Variants in ERCC4 observed in about 807,000 individuals in gnomAD.
The protein encoded by ERCC4 is ERCC excision repair 4, endonuclease catalytic subunit, also known as DNA repair endonuclease XPF.
Under a neutral mutation model 76.9 loss-of-function variants are expected in ERCC4, and 65 were observed. The ratio of observed to expected loss-of-function variants is 0.84; its 90% CI spans 0.69 to 1.04. The LOEUF is 1.04. Ranked by LOEUF, ERCC4 falls within the 50% of genes least tolerant of loss-of-function variation. The probability of loss-of-function intolerance (pLI) is 0.00; values close to 1 mark genes in which losing one functional copy is unlikely to be tolerated. For missense variants in ERCC4, 1,214 were observed against 1,128.2 expected (o/e 1.08, Z -1.09); for synonymous variants, 463 against 410.1 (o/e 1.13, Z -1.56).
At position 13,926,686 on chromosome 16, in the gene ERCC4, G is replaced by C. The variant is rs1405781900; in HGVS notation, c.514G>C (p.Asp172His). 1 of 1,614,080 alleles carries C rather than the reference G, an allele frequency of 6.2e-7. No homozygotes were observed. The highest frequency in any genetic ancestry group is 2.2e-5 in the East Asian group (1 of 44,868). ...TTTCACAGACAATGCTGTTGCCTTTGATACTGGTTTTTGTCATGTGGAAAG... is the reference window on the plus strand; with the variant it reads ...TTTCACAGACAATGCTGTTGCCTTTCATACTGGTTTTTGTCATGTGGAAAG... The part of the protein sequence containing the change: ...KAFTDNAVAF[D>H]TGFCHVERVM... Residue 172 changes from aspartate (D) to histidine (H), a missense_variant, in exon 3 of 11, where the codon GAT (aspartate) becomes CAT (histidine). Physicochemically the swap from Asp to His is moderately conservative, Grantham distance 81 (BLOSUM62 -1). Transcript: ENST00000311895.
In ERCC4 at chr16:13,952,090, G is replaced by C. The variant is rs949215623; in HGVS notation, c.*3743G>C. On this transcript the variant is annotated 3_prime_UTR_variant, in exon 11 of 11. Transcript: ENST00000311895. ...TATGCTGTTGTTTTTTTAATTTAAAGATGTATAAGCCAAAATTTGGATGGG... is the reference window on the plus strand; with the variant it reads ...TATGCTGTTGTTTTTTTAATTTAAACATGTATAAGCCAAAATTTGGATGGG... 1.0e-5 allele frequency: 2 copies of C among 194,112 alleles called. No individual in the cohort carries two copies. Among genetic ancestry groups the C allele is most frequent in the Admixed American group, 1.2e-4 (2 of 16,364 alleles). 12.0% of individuals were successfully genotyped at this position (194,112 alleles called of 1,614,324 possible).
intron 5 of ERCC4, chr16:13,931,951 T>C (rs749399013): frequency 1.5e-4 from 89 of 581,790 alleles, no homozygotes; most frequent in Middle Eastern, 1.3e-3. Flanking sequence ...CCTGAAAATA[T>C]CTTGGGGGCC....
In ERCC4 at chr16:13,951,768, G is replaced by C. The variant is rs1473636474; in HGVS notation, c.*3421G>C. 9.0e-6 allele frequency: 2 copies of C among 222,018 alleles called. No homozygotes were observed. Among genetic ancestry groups the C allele is most frequent in the Non-Finnish European group, 1.8e-5 (2 of 111,140 alleles). The allele number at this position is 222,018 out of a possible 1,614,324, so 13.8% of individuals were successfully genotyped here. A position where few individuals can be genotyped will look rare whatever the true frequency, so the allele number is the denominator to read the frequency against. On this transcript the variant is annotated 3_prime_UTR_variant, in exon 11 of 11. Coordinates refer to ENST00000311895, the MANE Select transcript of ERCC4 (RefSeq NM_005236.3). ...GGGGCAGGGGGAAAGAGGCATTACT[G>C]GTCTTTCCTTTTGTTTTGCAAGCAT... is the stretch of plus-strand genomic sequence containing the variant.
In ERCC4 at chr16:13,951,666, G is replaced by C. The variant is rs567578149; in HGVS notation, c.*3319G>C. The stretch of plus-strand genomic sequence containing the variant: ...TGAAGGGTTAAGTCTAGATTTGGTC[G>C]CATTGAAACCCCACAATATAGAATT... On this transcript the variant is annotated 3_prime_UTR_variant, in exon 11 of 11. Transcript: ENST00000311895. 4.6e-6 allele frequency: 1 copy of C among 217,518 alleles called. No individual in the cohort carries two copies. Among genetic ancestry groups the C allele is most frequent in the African/African-American group, 2.3e-5 (1 of 44,408 alleles). 13.5% of individuals were successfully genotyped at this position (217,518 alleles called of 1,614,324 possible). A position where few individuals can be genotyped will look rare whatever the true frequency, so the allele number is the denominator to read the frequency against.
chr16:13,933,045 CAAAAAAAAAAA>C lies in ERCC4; in HGVS notation c.1102+772_1102+782del, dbSNP rs11337706. On this transcript the variant is annotated intron_variant, in intron 6 of 10. Coordinates refer to ENST00000311895, the MANE Select transcript of ERCC4 (RefSeq NM_005236.3). ...TGGGCAACAGAGTGAGACTCGGTCT[CAAAAAAAAAAA>C]AAAAAAAAAAACACAAAAACTTTTA... 2.3e-4 allele frequency: 51 copies of C among 217,412 alleles called. No homozygotes were observed. The African/African-American group carries it at 2.5e-3, about 10-fold the overall frequency. 13.5% of individuals were successfully genotyped at this position (217,412 alleles called of 1,614,324 possible).
intron 6 of ERCC4, 74 bp downstream of exon 6, chr16:13,932,359 A>C (rs928868337): frequency 2.2e-6 from 3 of 1,394,908 alleles, no homozygotes; most frequent in Non-Finnish European, 2.0e-6. Flanking sequence ...AGTGCAATTT[A>C]AAGTCTTCTT....
intron 9 of ERCC4, among the ~76,000 whole-genome samples, chr16:13,943,279 C>A (rs1210023131): frequency 6.6e-6 from 1 of 152,008 alleles, no homozygotes; most frequent in African/African-American, 2.4e-5. Flanking sequence ...GAAGAAATAC[C>A]CCAGACTTGG....
In ERCC4 at chr16:13,951,762, A is replaced by G. The variant is rs1230919685; in HGVS notation, c.*3415A>G. Reference sequence around the variant, plus strand: ...AGAAGTGGGGCAGGGGGAAAGAGGCATTACTGGTCTTTCCTTTTGTTTTGC... The same window carrying G: ...AGAAGTGGGGCAGGGGGAAAGAGGCGTTACTGGTCTTTCCTTTTGTTTTGC... On this transcript the variant is annotated 3_prime_UTR_variant, in exon 11 of 11. Coordinates refer to ENST00000311895, the MANE Select transcript of ERCC4 (RefSeq NM_005236.3). The G allele has an allele frequency of 9.0e-6, 2 of 222,260 alleles. No individual in the cohort carries two copies. Among genetic ancestry groups the G allele is most frequent in the African/African-American group, 4.5e-5 (2 of 44,708 alleles). 13.8% of individuals were successfully genotyped at this position (222,260 alleles called of 1,614,324 possible). A position where few individuals can be genotyped will look rare whatever the true frequency, so the allele number is the denominator to read the frequency against.
intron 9 of ERCC4, among the ~76,000 whole-genome samples, chr16:13,940,101 T>G (rs917066306): frequency 3.3e-5 from 5 of 152,156 alleles, no homozygotes; most frequent in South Asian, 2.1e-4. Context: ...GGATACAGAT[T>G]AAGACTGGAT....
At position 13,935,675 on chromosome 16, in the gene ERCC4, T is replaced by A; in HGVS notation, c.1743T>A (p.Tyr581Ter). 6.2e-7 allele frequency: 1 copy of A among 1,614,188 alleles called. No individual in the cohort carries two copies. The highest frequency in any genetic ancestry group is 8.5e-7 in the Non-Finnish European group (1 of 1,180,032). The change falls in exon 8 of 11, where the codon TAT (tyrosine) becomes TAA (stop). Residue 581 changes from tyrosine to a stop codon, truncating the protein, a stop_gained. Transcript: ENST00000311895. LOFTEE classifies it high-confidence loss of function. ...HEVEPRYVVL[Y>*]DAELTFVRQL... ...TGGAGCCAAGATACGTGGTTCTTTATGACGCAGAGCTAACCTTTGTTCGGC... is the reference window on the plus strand; with the variant it reads ...TGGAGCCAAGATACGTGGTTCTTTAAGACGCAGAGCTAACCTTTGTTCGGC...
chr16:13,929,955 T>G (rs189478154), intron 4 of ERCC4, among the ~76,000 whole-genome samples: 35 of 152,306 alleles, frequency 2.3e-4, no homozygotes, highest in African/African-American at 7.9e-4. Context: ...AGAGTGAGAC[T>G]CCATCTCAAA....
At chr16:13,926,967 A>T (rs1302644670) in intron 3 of ERCC4, among the ~76,000 whole-genome samples, 1 of 152,176 alleles carries the variant, frequency 6.6e-6, no homozygotes, top group African/African-American at 2.4e-5. Context: ...GAGCAATTTG[A>T]TGGTTGCTTT....
intron 2 of ERCC4, among the ~76,000 whole-genome samples, chr16:13,926,291 G>C (rs1023517466): frequency 6.6e-6 from 1 of 152,110 alleles, no homozygotes; most frequent in Admixed American, 6.5e-5. Context: ...ATACCACCTT[G>C]GTGAGACCAC....
rs1025541836 is a variant in ERCC4 at position 13,923,262 on chromosome 16, C to T, written c.388+1051C>T. On this transcript the variant is annotated intron_variant, in intron 2 of 10. Coordinates refer to ENST00000311895, the MANE Select transcript of ERCC4 (RefSeq NM_005236.3). ...TATTTATGTGTTTGTCTATCTCACTCACAAGATAAGCTGAAGCACAAGGAA... is the reference window on the plus strand; with the variant it reads ...TATTTATGTGTTTGTCTATCTCACTTACAAGATAAGCTGAAGCACAAGGAA... 1.1e-4 allele frequency among the ~76,000 whole-genome samples: 17 copies of T among 152,186 alleles called. 1 individual carries two copies. The highest frequency in any genetic ancestry group is 5.9e-4 in the Admixed American group (9 of 15,278).
At chr16:13,925,504 T>C (rs902602369) in intron 2 of ERCC4, among the ~76,000 whole-genome samples, 50 of 152,332 alleles carry the variant, frequency 3.3e-4, no homozygotes, top group African/African-American at 1.2e-3. Flanking sequence ...TGGAAGATAA[T>C]TTGCTGAGCT....
intron 4 of ERCC4, 113 bp from the exon 5 acceptor site, chr16:13,930,597 C>T: frequency 1.3e-6 from 1 of 776,546 alleles, no homozygotes; most frequent in Non-Finnish European, 2.1e-6. Flanking sequence ...TAAAATTTAC[C>T]ATTTTAACCA....
At chr16:13,924,045 C>G (rs2238463) in intron 2 of ERCC4, among the ~76,000 whole-genome samples, 63,745 of 152,022 alleles carry the variant, frequency 0.42, 14,730 homozygotes, top group African/African-American at 0.62. Flanking sequence ...TCAAAGCCCA[C>G]CGAATAATGA....
rs537670308 is a variant in ERCC4, at chr16:13,920,331, G to C, written c.166G>C (p.Ala56Pro). ...CTTTCTCCAGCTGCACTGCCACCCA[G>C]CCTGCCTGGTGCTGGTGCTCAACAC... is the stretch of plus-strand genomic sequence containing the variant. Reference protein sequence around the residue: ...YHFLQLHCHPACLVLVLNTQP... With the variant: ...YHFLQLHCHPPCLVLVLNTQP... Residue 56 changes from alanine to proline, a missense_variant, in exon 1 of 11, where the codon GCC becomes CCC. Physicochemically the swap from Ala to Pro is conservative, Grantham distance 27. Transcript: ENST00000311895. The C allele has an allele frequency of 6.3e-7, 1 of 1,598,674 alleles. No individual in the cohort carries two copies. The highest frequency in any genetic ancestry group is 1.1e-5 in the South Asian group (1 of 90,586).
chr16:13,921,160 GGC>G (rs3136049), intron 1 of ERCC4, among the ~76,000 whole-genome samples: 37,535 of 151,942 alleles, frequency 0.25, 4,812 homozygotes, highest in Middle Eastern at 0.33. Flanking sequence ...GAGATGCTGA[GGC>G]GCTGGAAAAA....
Sources: allele counts gnomAD v4.1 joint callset (sites outside exome capture counted in the v4.1 genomes callset), GRCh38; gene constraint gnomAD v4.1.1; transcripts MANE v1.5; gene names NCBI Gene and HGNC (gene_info 2026-07-23, HGNC 2026-07-21).